The following PIK3C2A variants were observed in gnomAD, a reference collection of about 807,000 sequenced individuals.
PIK3C2A encodes phosphatidylinositol 4-phosphate 3-kinase C2 domain-containing subunit alpha.
A neutral mutation model predicts 204.5 loss-of-function variants in PIK3C2A; 97 were observed. The observed-to-expected ratio is 0.47, with a 90% CI of 0.40 to 0.56. The LOEUF is 0.56. Among genes scored for constraint, PIK3C2A ranks in the 20% least tolerant of loss-of-function variants. The probability of loss-of-function intolerance (pLI) is 0.00; values close to 1 mark genes in which losing one functional copy is unlikely to be tolerated. For missense variants in PIK3C2A, 1,735 were observed against 1,969.2 expected, an observed-to-expected ratio of 0.88 and a Z score of 2.25; for synonymous variants, 653 against 664.4, an observed-to-expected ratio of 0.98 and a Z score of 0.26.
At position 17,206,376 on chromosome 11, in the gene PIK3C2A, A is replaced by G. The variant is rs560222636; in HGVS notation, c.-66+1472T>C. On this transcript the variant is annotated intron_variant, in intron 1 of 32. Transcript: ENST00000691414. ...TCTATTCCCAGTTACATTGTTTTTC[A>G]GTATGTAACCACTGTCTTGATACTA... is the stretch of plus-strand genomic sequence containing the variant. Among the ~76,000 whole-genome samples the G allele has an allele frequency of 1.5e-4, 23 of 152,252 alleles. No individual in the cohort carries two copies. In the South Asian group the frequency reaches 2.5e-3, roughly 16 times the overall value.
intron 1 of PIK3C2A, among the ~76,000 whole-genome samples, chr11:17,187,478 C>T (rs1453899210): frequency 6.6e-6 from 1 of 152,114 alleles, no homozygotes; most frequent in Non-Finnish European, 1.5e-5. Flanking sequence ...ATCACTACCA[C>T]CAAGTTTCAG....
intron 27 of PIK3C2A, 103 bp from the exon 28 acceptor site, chr11:17,094,488 C>T: frequency 2.4e-6 from 2 of 845,626 alleles, no homozygotes; most frequent in South Asian, 3.4e-5. Context: ...CTTTGGGAGG[C>T]CGAGGTGGGT....
chr11:17,181,691 C>CAT, intron 1 of PIK3C2A, among the ~76,000 whole-genome samples: 1 of 122,644 alleles, frequency 8.2e-6, no homozygotes, highest in Non-Finnish European at 1.8e-5. Context: ...CACACACACA[C>CAT]ACAAACACAC....
chr11:17,151,590 T>C (rs528396411), intron 3 of PIK3C2A, among the ~76,000 whole-genome samples: 4 of 152,322 alleles, frequency 2.6e-5, no homozygotes, highest in Non-Finnish European at 5.9e-5. Flanking sequence ...ATCCTGATTA[T>C]ACTACTTATT....
Position 17,117,667 on chromosome 11 carries a change from G to A in PIK3C2A, c.3040C>T (p.Leu1014Phe). The A allele has an allele frequency of 7.0e-7, 1 of 1,431,858 alleles. No individual in the cohort carries two copies. The highest frequency in any genetic ancestry group is 1.2e-5 in the South Asian group (1 of 86,046). The allele number at this position is 1,431,858 out of a possible 1,614,324, so 88.7% of individuals were successfully genotyped here. ...IQIAHNLYWL[L>F]KDALHDVQFS... ...TGTACATCATGCAGGGCATCTTTGA[G>A]AAGCCTAATACAGCAAAATATTTAT... is the stretch of plus-strand genomic sequence containing the variant. Residue 1014 changes from leucine to phenylalanine, a missense_variant, in exon 19 of 33, where the codon CTC becomes TTC. Physicochemically the swap from Leu to Phe is conservative, Grantham distance 22. Coordinates refer to ENST00000691414, the MANE Select transcript of PIK3C2A (RefSeq NM_002645.4).
At chr11:17,142,850 G>A (rs938910858) in intron 8 of PIK3C2A, among the ~76,000 whole-genome samples, 2 of 152,060 alleles carry the variant, frequency 1.3e-5, no homozygotes, top group African/African-American at 2.4e-5. Context: ...GGGCATATAA[G>A]AGAATGGGAA....
At chr11:17,096,349 T>C (rs1158187921) in intron 27 of PIK3C2A, among the ~76,000 whole-genome samples, 6 of 152,218 alleles carry the variant, frequency 3.9e-5, no homozygotes, top group Non-Finnish European at 8.8e-5. Context: ...ATTTAAACTT[T>C]TATAAAGTTA....
chr11:17,128,725 C>A (rs547651367), intron 13 of PIK3C2A, among the ~76,000 whole-genome samples: 1 of 152,162 alleles, frequency 6.6e-6, no homozygotes, highest in African/African-American at 2.4e-5. Flanking sequence ...TTATACTATC[C>A]CAGTGGCTAT....
intron 21 of PIK3C2A, among the ~76,000 whole-genome samples, 195 bp from the exon 22 acceptor site, chr11:17,110,756 G>A (rs1385344718): frequency 6.6e-6 from 1 of 152,042 alleles, no homozygotes; most frequent in Non-Finnish European, 1.5e-5. Flanking sequence ...AGCTGGGCAT[G>A]GTTGCACACA....
chr11:17,090,098 G>C (rs559969631), intron 32 of PIK3C2A, among the ~76,000 whole-genome samples, 178 bp from the exon 33 acceptor site: 3 of 152,316 alleles, frequency 2.0e-5, no homozygotes, highest in Admixed American at 1.3e-4. Flanking sequence ...TGTGTTTCAG[G>C]AGTCTTGGAT....
At chr11:17,122,616 T>C (rs1434380326) in intron 14 of PIK3C2A, 86 bp downstream of exon 14, 3 of 705,132 alleles carry the variant, frequency 4.3e-6, no homozygotes, top group Non-Finnish European at 7.4e-6. Context: ...TAGGTTTCTT[T>C]AACAACCCAA....
chr11:17,122,729 T>C lies in PIK3C2A; in HGVS notation c.2484A>G (p.Gly828=). 1.3e-6 allele frequency: 2 copies of C among 1,511,700 alleles called. No homozygotes were observed. Among genetic ancestry groups the C allele is most frequent in the Non-Finnish European group, 1.8e-6 (2 of 1,089,764 alleles). The allele number at this position is 1,511,700 out of a possible 1,614,324, so 93.6% of individuals were successfully genotyped here. Residue 828 remains glycine (G), a synonymous_variant, in exon 14 of 33, where the codon GGA becomes GGG. Coordinates refer to ENST00000691414, the MANE Select transcript of PIK3C2A (RefSeq NM_002645.4). ...NSVPGTVTKK[G]YVMERIVLQV... Reference sequence around the variant, plus strand: ...GTAGCACTATTCTTTCCATGACATATCCTTTTTTGGTAACTGTTCCAGGAA... The same window carrying C: ...GTAGCACTATTCTTTCCATGACATACCCTTTTTTGGTAACTGTTCCAGGAA...
chr11:17,117,174 C>T (rs1849221883), intron 19 of PIK3C2A, among the ~76,000 whole-genome samples: 1 of 152,066 alleles, frequency 6.6e-6, no homozygotes, highest in African/African-American at 2.4e-5. Context: ...TGGGGACATG[C>T]TTTCTTTTTG....
chr11:17,142,794 G>A (rs1850109217), intron 8 of PIK3C2A, among the ~76,000 whole-genome samples: 1 of 152,146 alleles, frequency 6.6e-6, no homozygotes, highest in Admixed American at 6.5e-5. Flanking sequence ...AGTCCTTGAT[G>A]ACCTTAATAA....
intron 8 of PIK3C2A, among the ~76,000 whole-genome samples, chr11:17,143,091 T>C (rs1350043625): frequency 2.6e-5 from 4 of 151,926 alleles, no homozygotes; most frequent in South Asian, 4.1e-4. Flanking sequence ...GCCTGGACAC[T>C]CCATACGAAA....
At chr11:17,189,743 A>C (rs1420289436) in intron 1 of PIK3C2A, among the ~76,000 whole-genome samples, 2 of 151,124 alleles carry the variant, frequency 1.3e-5, no homozygotes, top group African/African-American at 4.9e-5. Context: ...GAGAAGTATG[A>C]AAAACTAAAA....
rs1226606697 is a variant in PIK3C2A, at chr11:17,095,585, C to T, written c.4327-1200G>A. Among the ~76,000 whole-genome samples the T allele has an allele frequency of 5.1e-5, 7 of 136,870 alleles. No individual in the cohort carries two copies. The East Asian group carries it at 6.8e-4, about 13-fold the overall frequency. 89.8% of individuals were successfully genotyped at this position (136,870 alleles called of 152,430 possible). A position where few individuals can be genotyped will look rare whatever the true frequency, so the allele number is the denominator to read the frequency against. ...CAGCCTGGGCAACAGAGCAAGACTC[C>T]GTCTCAAAAAAATAAAAAAATAAAA... On this transcript the variant is annotated intron_variant, in intron 27 of 32. Transcript: ENST00000691414.
chr11:17,114,296 G>T, intron 20 of PIK3C2A, 65 bp downstream of exon 20: 1 of 842,468 alleles, frequency 1.2e-6, no homozygotes, highest in Non-Finnish European at 2.1e-6. Context: ...AAGCATACCT[G>T]CCCATTTGCC....
At position 17,168,663 on chromosome 11, in the gene PIK3C2A, A is replaced by G; in HGVS notation, c.1065+14T>C. 1 of 1,455,936 alleles carries G rather than the reference A, an allele frequency of 6.9e-7. No individual in the cohort carries two copies. The allele number at this position is 1,455,936 out of a possible 1,614,324, so 90.2% of individuals were successfully genotyped here. A position where few individuals can be genotyped will look rare whatever the true frequency, so the allele number is the denominator to read the frequency against. On this transcript the variant is annotated intron_variant, in intron 2 of 32. Transcript: ENST00000691414. ...TTATACTAAGTTTGAGAAGTTAGTA[A>G]GAAAAGACTATACCTGAGATATATG...
Sources: allele counts gnomAD v4.1 joint callset (sites outside exome capture counted in the v4.1 genomes callset), GRCh38; gene constraint gnomAD v4.1.1; transcripts MANE v1.5; gene names NCBI Gene and HGNC (gene_info 2026-07-23, HGNC 2026-07-21).